ADGRL2: variants seen among roughly 807,000 people sequenced by gnomAD.
ADGRL2 encodes the protein calcium-independent alpha-latrotoxin receptor 2.
ADGRL2 carries 44 observed loss-of-function variants against 157.4 expected under a neutral mutation model. The observed-to-expected ratio is 0.28, with a 90% CI of 0.22 to 0.36. The LOEUF is 0.36. ADGRL2 is among the 10% of genes least tolerant of loss of function. ADGRL2 has a pLI of 1.00. For missense variants in ADGRL2, 1,510 were observed against 1,768.9 expected (o/e 0.85, Z 2.63); for synonymous variants, 585 against 624.7 (o/e 0.94, Z 0.95).
At chr1:81,318,615 A>G (rs1660270919) in intron 1 of ADGRL2, among the ~76,000 whole-genome samples, 1 of 152,236 alleles carries the variant, frequency 6.6e-6, no homozygotes, top group Non-Finnish European at 1.5e-5. Context: ...AAAAGTAACC[A>G]TGATAGTAAT....
At chr1:81,351,402 C>T (rs1000200230) in intron 1 of ADGRL2, among the ~76,000 whole-genome samples, 4 of 151,982 alleles carry the variant, frequency 2.6e-5, no homozygotes, top group South Asian at 2.1e-4. Flanking sequence ...ACTTACTTCC[C>T]ACCCCGTGAT....
chr1:81,415,508 A>G (rs1199299619), intron 1 of ADGRL2, among the ~76,000 whole-genome samples: 2 of 152,208 alleles, frequency 1.3e-5, no homozygotes, highest in Non-Finnish European at 2.9e-5. Flanking sequence ...AAAAGATACG[A>G]TAAGAGGAAA....
At chr1:81,957,643 A>G (rs994721825) in intron 11 of ADGRL2, among the ~76,000 whole-genome samples, 2 of 151,878 alleles carry the variant, frequency 1.3e-5, no homozygotes, top group African/African-American at 4.8e-5. Context: ...AGGGAGGGAG[A>G]GGTTGCAGTG....
intron 1 of ADGRL2, among the ~76,000 whole-genome samples, chr1:81,377,026 A>G (rs2076262288): frequency 6.6e-6 from 1 of 151,962 alleles, no homozygotes; most frequent in Non-Finnish European, 1.5e-5. Flanking sequence ...CATCTCTCCA[A>G]AAAAAATTTT....
chr1:81,471,113 G>A (rs990801918), intron 2 of ADGRL2, among the ~76,000 whole-genome samples: 2 of 152,134 alleles, frequency 1.3e-5, no homozygotes, highest in African/African-American at 4.8e-5. Context: ...GCACATTGCA[G>A]GATTGGGAGG....
At chr1:81,771,361 T>G (rs1188464184) in intron 2 of ADGRL2, among the ~76,000 whole-genome samples, 1 of 152,172 alleles carries the variant, frequency 6.6e-6, no homozygotes, top group African/African-American at 2.4e-5. Context: ...ATTTACTGAA[T>G]GGGGTGAATC....
intron 1 of ADGRL2, among the ~76,000 whole-genome samples, chr1:81,804,719 G>GGTCC (rs1553156934): frequency 6.6e-6 from 1 of 152,084 alleles, no homozygotes; most frequent in Admixed American, 6.6e-5. Flanking sequence ...TGTCTTTTGG[G>GGTCC]GTCCCTTCAG....
intron 1 of ADGRL2, among the ~76,000 whole-genome samples, chr1:81,352,219 A>G (rs1371307494): frequency 2.6e-5 from 4 of 152,226 alleles, no homozygotes; most frequent in African/African-American, 9.6e-5. Context: ...GTGACAGAAC[A>G]GAATTTGTAT....
chr1:81,985,372 A>C lies in ADGRL2; in HGVS notation c.3508+17A>C, dbSNP rs1460261848. On this transcript the variant is annotated intron_variant, in intron 21 of 23. Coordinates refer to ENST00000686636, the MANE Select transcript of ADGRL2 (RefSeq NM_001366006.2). ...TTAATCAAGGTCAGTTATCAGGAAA[A>C]TTTGAGTTACTACCATTTATTAAAG... The C allele has an allele frequency of 4.2e-6, 6 of 1,420,774 alleles. No individual in the cohort carries two copies. Among genetic ancestry groups the C allele is most frequent in the East Asian group, 4.6e-5 (2 of 43,386 alleles). 88.0% of individuals were successfully genotyped at this position (1,420,774 alleles called of 1,614,324 possible). A position where few individuals can be genotyped will look rare whatever the true frequency, so the allele number is the denominator to read the frequency against.
At chr1:81,367,544 A>T (rs2076087632) in intron 1 of ADGRL2, among the ~76,000 whole-genome samples, 1 of 152,130 alleles carries the variant, frequency 6.6e-6, no homozygotes, top group African/African-American at 2.4e-5. Flanking sequence ...TGCAAAGAAC[A>T]TGACCTTGTT....
In ADGRL2 at chr1:81,888,890, A is replaced by G. The variant is rs191549025; in HGVS notation, c.74-18127A>G. Reference sequence around the variant, plus strand: ...TTCCCACAATATTTCAAGTTTTTCTATTATATCTGTTATGGTGATCTGTAA... The same window carrying G: ...TTCCCACAATATTTCAAGTTTTTCTGTTATATCTGTTATGGTGATCTGTAA... On this transcript the variant is annotated intron_variant, in intron 2 of 23. Coordinates refer to ENST00000686636, the MANE Select transcript of ADGRL2 (RefSeq NM_001366006.2). Among the ~76,000 whole-genome samples, 17 of 152,208 alleles carry G rather than the reference A, an allele frequency of 1.1e-4. 1 individual carries two copies. Among genetic ancestry groups the G allele is most frequent in the Admixed American group, 7.2e-4 (11 of 15,292 alleles).
intron 3 of ADGRL2, among the ~76,000 whole-genome samples, chr1:81,646,598 C>T (rs1307229923): frequency 6.6e-6 from 1 of 152,146 alleles, no homozygotes; most frequent in Non-Finnish European, 1.5e-5. Flanking sequence ...TATTAATTAA[C>T]AGGAGCCATA....
At chr1:81,822,028 C>CTTTTTTTTTTTTT (rs10653806) in intron 1 of ADGRL2, among the ~76,000 whole-genome samples, 3 of 125,188 alleles carry the variant, frequency 2.4e-5, no homozygotes, top group African/African-American at 6.1e-5. Context: ...ATATCAGAAA[C>CTTTTTTTTTTTTT]TTTTTTTTTT....
chr1:81,521,585 T>C (rs2079316059), intron 2 of ADGRL2, among the ~76,000 whole-genome samples: 1 of 152,182 alleles, frequency 6.6e-6, no homozygotes, highest in Admixed American at 6.5e-5. Flanking sequence ...AAGCTTTTTA[T>C]ATATAGCCAT....
chr1:81,537,906 G>A lies in ADGRL2; in HGVS notation c.-247-42970G>A, dbSNP rs550865170. 1.4e-3 allele frequency among the ~76,000 whole-genome samples: 216 copies of A among 152,084 alleles called. 1 individual carries two copies. Among genetic ancestry groups the A allele is most frequent in the African/African-American group, 4.8e-3 (199 of 41,492 alleles). ...GTAGAGACAGGATTTCACCATGTTGGCCAAGCTGGTCTCAAACTCCTGACC... is the reference window on the plus strand; with the variant it reads ...GTAGAGACAGGATTTCACCATGTTGACCAAGCTGGTCTCAAACTCCTGACC... On this transcript the variant is annotated intron_variant, in intron 2 of 24. Coordinates refer to the ADGRL2 transcript ENST00000370721.
At chr1:81,544,034 A>G (rs1290215498) in intron 2 of ADGRL2, among the ~76,000 whole-genome samples, 1 of 151,874 alleles carries the variant, frequency 6.6e-6, no homozygotes, top group Non-Finnish European at 1.5e-5. Context: ...TCTCAGTGGG[A>G]CCCGCTCTCA....
chr1:81,685,653 T>C (rs1364335014), intron 3 of ADGRL2, among the ~76,000 whole-genome samples: 5 of 152,206 alleles, frequency 3.3e-5, no homozygotes, highest in Non-Finnish European at 7.3e-5. Flanking sequence ...TTGCTCTGGC[T>C]AGGACTTCCA....
intron 4 of ADGRL2, among the ~76,000 whole-genome samples, chr1:81,937,450 T>C (rs1457377378): frequency 6.6e-6 from 1 of 151,908 alleles, no homozygotes; most frequent in East Asian, 1.9e-4. Context: ...TAAAATTCAA[T>C]TGAAAAGTTT....
At chr1:81,507,408 C>T (rs2148059859) in intron 2 of ADGRL2, among the ~76,000 whole-genome samples, 1 of 152,298 alleles carries the variant, frequency 6.6e-6, no homozygotes, top group Middle Eastern at 3.4e-3. Context: ...AGCAAATTAA[C>T]TCTTTGGAGC....
Sources: allele counts gnomAD v4.1 joint callset (sites outside exome capture counted in the v4.1 genomes callset), GRCh38; gene constraint gnomAD v4.1.1; transcripts MANE v1.5; gene names NCBI Gene and HGNC (gene_info 2026-07-23, HGNC 2026-07-21).